Variants in XRN2 observed in about 807,000 individuals in gnomAD.
XRN2 encodes 5'-3' exoribonuclease 2, also known as DHM1-like protein.
In XRN2, 44 loss-of-function variants were observed where a neutral mutation model predicts 138.5. The observed-to-expected ratio is 0.32, with a 90% confidence interval of 0.25 to 0.41. The LOEUF is 0.41. Ranked by LOEUF, XRN2 falls within the 10% of genes least tolerant of loss-of-function variation. The pLI, the probability that XRN2 is intolerant of heterozygous loss-of-function variation, is 1.00. For synonymous variants in XRN2, 354 were observed against 369.4 expected, an observed-to-expected ratio of 0.96 and a Z score of 0.48; for missense variants, 937 against 1,169.3, an observed-to-expected ratio of 0.80 and a Z score of 2.90.
intron 8 of XRN2, 97 bp from the exon 9 acceptor site, chr20:21,332,186 T>C: frequency 6.9e-7 from 1 of 1,442,856 alleles, no homozygotes; most frequent in Non-Finnish European, 9.3e-7. Context: ...GGGTGCTCAT[T>C]TGGGCTTTTC....
intron 1 of XRN2, among the ~76,000 whole-genome samples, chr20:21,311,071 G>A (rs1474827459): frequency 6.6e-6 from 1 of 152,100 alleles, no homozygotes; most frequent in African/African-American, 2.4e-5. Flanking sequence ...TTTTTATACA[G>A]TTTGAGAATC....
intron 1 of XRN2, chr20:21,303,729 C>G (rs1254846229): frequency 1.6e-6 from 2 of 1,231,942 alleles, no homozygotes; most frequent in Non-Finnish European, 1.0e-6. Context: ...GGTCGCTCCT[C>G]CCCTACTCGC....
At chr20:21,317,645 A>G (rs1384560403) in intron 1 of XRN2, among the ~76,000 whole-genome samples, 1 of 152,190 alleles carries the variant, frequency 6.6e-6, no homozygotes, top group East Asian at 1.9e-4. Flanking sequence ...CGTATATTTT[A>G]AATAGTCTCT....
At chr20:21,341,296 C>G (rs2038369272) in intron 15 of XRN2, among the ~76,000 whole-genome samples, 1 of 152,196 alleles carries the variant, frequency 6.6e-6, no homozygotes, top group Admixed American at 6.6e-5. Flanking sequence ...CTTATTTCCC[C>G]TTTCCTTCAG....
chr20:21,359,254 G>C (rs565416879), intron 24 of XRN2, among the ~76,000 whole-genome samples: 1 of 152,070 alleles, frequency 6.6e-6, no homozygotes, highest in Non-Finnish European at 1.5e-5. Context: ...AAAACAGGCC[G>C]GGCGCGGTGG....
At chr20:21,354,593 A>C (rs1402371605) in intron 20 of XRN2, among the ~76,000 whole-genome samples, 196 bp from the exon 21 acceptor site, 1 of 152,242 alleles carries the variant, frequency 6.6e-6, no homozygotes, top group African/African-American at 2.4e-5. Context: ...GAAAATACGT[A>C]GAATTTTTTC....
intron 1 of XRN2, among the ~76,000 whole-genome samples, chr20:21,316,252 C>G (rs1280354322): frequency 6.6e-6 from 1 of 152,178 alleles, no homozygotes; most frequent in African/African-American, 2.4e-5. Flanking sequence ...AAAACTCAGT[C>G]TCAAAAAACA....
chr20:21,365,811 ATATG>A (rs2122307651), intron 26 of XRN2, 107 bp downstream of exon 26: 3 of 199,646 alleles, frequency 1.5e-5, no homozygotes, highest in Middle Eastern at 2.3e-3. Flanking sequence ...TATATATAAT[ATATG>A]ATTATATATT....
At chr20:21,328,179 G>A (rs563792196) in intron 3 of XRN2, among the ~76,000 whole-genome samples, 1 of 152,286 alleles carries the variant, frequency 6.6e-6, no homozygotes, top group Non-Finnish European at 1.5e-5. Flanking sequence ...TCTTAGTTCA[G>A]TAGTAACTGC....
chr20:21,373,921 G>A (rs547443135), intron 27 of XRN2, among the ~76,000 whole-genome samples: 16 of 152,114 alleles, frequency 1.1e-4, no homozygotes, highest in East Asian at 1.9e-4. Flanking sequence ...TTGCCTTTTC[G>A]CTTTATTATT....
intron 28 of XRN2, among the ~76,000 whole-genome samples, chr20:21,382,743 G>C (rs537647110): frequency 6.6e-6 from 1 of 152,298 alleles, no homozygotes; most frequent in South Asian, 2.1e-4. Context: ...TTGATAAGTT[G>C]TGTGCTCCTA....
Position 21,348,135 on chromosome 20 carries a change from A to T in XRN2, c.1666-11A>T. 6.3e-7 allele frequency: 1 copy of T among 1,579,064 alleles called. No individual in the cohort carries two copies. On this transcript the variant is annotated splice_polypyrimidine_tract_variant and intron_variant, in intron 17 of 29. Transcript: ENST00000377191. ...TTTTTGATTTTGTTGTTACTTTTTT[A>T]ATGATTCTAGGGCTGTGCTTCCTGG...
At chr20:21,386,340 T>C (rs1600723969) in intron 28 of XRN2, among the ~76,000 whole-genome samples, 1 of 152,236 alleles carries the variant, frequency 6.6e-6, no homozygotes, top group African/African-American at 2.4e-5. Flanking sequence ...CAATCAGACC[T>C]TCTGACATAT....
At position 21,333,706 on chromosome 20, in the gene XRN2, T is replaced by A; in HGVS notation, c.936T>A (p.Tyr312Ter). The A allele has an allele frequency of 6.2e-7, 1 of 1,614,064 alleles. No homozygotes were observed. Among genetic ancestry groups the A allele is most frequent in the Non-Finnish European group, 8.5e-7 (1 of 1,179,986 alleles). ...GCAGCATTCCTTTTTGGTTGTAGTA[T>A]TTGGAAAGAGAACTCACAATGGCCA... ...IFLRLNVLRE[Y>*]LERELTMASL... Residue 312 changes from tyrosine (Y) to a stop codon, truncating the protein, a stop_gained and splice_region_variant, in exon 11 of 30, where the codon TAT (tyrosine) becomes TAA (stop). Transcript: ENST00000377191. LOFTEE classifies it high-confidence loss of function.
At chr20:21,348,451 T>G (rs1479398402) in intron 19 of XRN2, 21 bp downstream of exon 19, 1 of 1,598,998 alleles carries the variant, frequency 6.3e-7, no homozygotes, top group African/African-American at 1.3e-5. Context: ...GTATTTTGAG[T>G]GTGTGGGTGA....
intron 27 of XRN2, among the ~76,000 whole-genome samples, chr20:21,377,264 C>CTTTTTCTTTTTT (rs1555788242): frequency 3.6e-5 from 3 of 82,782 alleles, no homozygotes; most frequent in African/African-American, 1.6e-4. Context: ...TCGGTTTTTT[C>CTTTTTCTTTTTT]TTTTTTTTTT....
At chr20:21,331,927 T>A in intron 8 of XRN2, 109 bp downstream of exon 8, 1 of 1,225,984 alleles carries the variant, frequency 8.2e-7, no homozygotes, top group Non-Finnish European at 1.2e-6. Context: ...CCAAAATGCC[T>A]TGGTTATTTT....
At chr20:21,331,528 G>T (rs765778913) in intron 6 of XRN2, 33 bp from the exon 7 acceptor site, 3 of 1,558,108 alleles carry the variant, frequency 1.9e-6, no homozygotes, top group Non-Finnish European at 2.6e-6. Flanking sequence ...GAAAATTGGG[G>T]ATAATCTGAA....
chr20:21,371,303 T>C (rs929448041), intron 27 of XRN2, among the ~76,000 whole-genome samples: 6 of 152,190 alleles, frequency 3.9e-5, no homozygotes, highest in African/African-American at 1.4e-4. Flanking sequence ...CTGTTTTTAG[T>C]GTATTCACTC....
Sources: gnomAD v4.1 joint callset for allele counts (sites outside exome capture counted in the v4.1 genomes callset) on GRCh38, gnomAD v4.1.1 for gene constraint, MANE v1.5 for transcripts, NCBI Gene and HGNC (gene_info 2026-07-23, HGNC 2026-07-21) for gene names.